The following MROH9 variants were observed in gnomAD, a reference collection of about 807,000 sequenced individuals.
MROH9 encodes maestro heat-like repeat-containing protein family member 9.
MROH9 carries 92 observed loss-of-function variants against 98.2 expected under a neutral mutation model. That is an observed-to-expected ratio of 0.94 (90% CI 0.79 to 1.11). MROH9 has a LOEUF of 1.11. MROH9 is among the 50% of genes most tolerant of loss of function. The pLI, the probability that MROH9 is intolerant of heterozygous loss-of-function variation, is 0.00. For missense variants in MROH9, 1,057 were observed against 1,014.8 expected (o/e 1.04, Z -0.57); for synonymous variants, 397 against 368.9 (o/e 1.08, Z -0.87).
chr1:170,937,948 G>A (rs969314400), intron 1 of MROH9, among the ~76,000 whole-genome samples: 2 of 152,182 alleles, frequency 1.3e-5, no homozygotes, highest in African/African-American at 4.8e-5. Flanking sequence ...TGGGTCACTA[G>A]TAGTCCTACC....
intron 20 of MROH9, among the ~76,000 whole-genome samples, chr1:171,032,699 G>A (rs548998201): frequency 6.6e-6 from 1 of 152,140 alleles, no homozygotes; most frequent in East Asian, 1.9e-4. Context: ...ATGCTAGTAG[G>A]ATCGCTCTTG....
chr1:171,027,286 T>G (rs28488998), intron 20 of MROH9, among the ~76,000 whole-genome samples: 1 of 152,018 alleles, frequency 6.6e-6, no homozygotes, highest in Non-Finnish European at 1.5e-5. Flanking sequence ...CTCCCACTTA[T>G]GAGTGAGAAC....
At chr1:171,055,630 A>C (rs889989227) in intron 20 of MROH9, among the ~76,000 whole-genome samples, 9 of 151,608 alleles carry the variant, frequency 5.9e-5, no homozygotes, top group Non-Finnish European at 8.8e-5. Context: ...AAAAAAAAAA[A>C]AAAAAAAAAA....
intron 11 of MROH9, among the ~76,000 whole-genome samples, chr1:170,991,833 G>T (rs1456052484): frequency 6.6e-6 from 1 of 152,026 alleles, no homozygotes; most frequent in Non-Finnish European, 1.5e-5. Context: ...AAGTCACAAG[G>T]CCAGAGGAAC....
Position 170,971,741 on chromosome 1 carries a change from C to A in MROH9, c.481-7C>A, listed in dbSNP as rs1650463893. 1 of 1,613,672 alleles carries A rather than the reference C, an allele frequency of 6.2e-7. No individual in the cohort carries two copies. The highest frequency in any genetic ancestry group is 1.1e-5 in the South Asian group (1 of 91,046). On this transcript the variant is annotated splice_polypyrimidine_tract_variant and splice_region_variant and intron_variant, in intron 7 of 21. Coordinates refer to ENST00000367759, the MANE Select transcript of MROH9 (RefSeq NM_001163629.2). ...CAAATGCATGTTCTCCTTTGTTTCT[C>A]CATTAGATAAGTGTTGATGCTCCAT...
chr1:171,002,611 C>T (rs904259217), intron 15 of MROH9, among the ~76,000 whole-genome samples: 5 of 152,076 alleles, frequency 3.3e-5, no homozygotes, highest in African/African-American at 4.8e-5. Context: ...GGGTTTATGC[C>T]GAGAAGTCTT....
intron 20 of MROH9, among the ~76,000 whole-genome samples, chr1:171,055,331 T>C (rs1653801085): frequency 6.6e-6 from 1 of 152,006 alleles, no homozygotes. Flanking sequence ...GGCATAAGAA[T>C]GATACAATGG....
intron 12 of MROH9, among the ~76,000 whole-genome samples, chr1:170,994,353 T>C (rs959958881): frequency 7.2e-5 from 11 of 152,226 alleles, no homozygotes; most frequent in Non-Finnish European, 1.0e-4. Context: ...CCTAAGTGTT[T>C]TATGTTTGGA....
chr1:171,039,965 G>GA (rs1653243121), intron 20 of MROH9, among the ~76,000 whole-genome samples: 1 of 151,764 alleles, frequency 6.6e-6, no homozygotes, highest in African/African-American at 2.4e-5. Context: ...CTAAAGCAAA[G>GA]AAAAAATATA....
intron 15 of MROH9, among the ~76,000 whole-genome samples, chr1:171,002,220 G>A (rs1440728000): frequency 6.6e-6 from 1 of 152,166 alleles, no homozygotes; most frequent in Non-Finnish European, 1.5e-5. Context: ...TTTAAGTGGA[G>A]TGTTTAGACC....
intron 6 of MROH9, among the ~76,000 whole-genome samples, chr1:170,963,836 G>T (rs917884896): frequency 6.6e-6 from 1 of 152,120 alleles, no homozygotes; most frequent in Non-Finnish European, 1.5e-5. Flanking sequence ...CTGACAAAGG[G>T]TGGAGGTTGG....
chr1:171,023,022 T>C (rs983348108), intron 17 of MROH9, among the ~76,000 whole-genome samples: 1 of 152,168 alleles, frequency 6.6e-6, no homozygotes, highest in Non-Finnish European at 1.5e-5. Context: ...GGTGATATTA[T>C]ATTTTTAAAA....
intron 20 of MROH9, 30 bp downstream of exon 20, chr1:171,025,450 C>CT: frequency 7.2e-7 from 1 of 1,382,968 alleles, no homozygotes; most frequent in South Asian, 1.2e-5. Context: ...CAATTCCTAA[C>CT]TTGTCTTAAA....
chr1:170,992,072 A>C, intron 11 of MROH9, 92 bp from the exon 12 acceptor site: 1 of 1,353,178 alleles, frequency 7.4e-7, no homozygotes, highest in Non-Finnish European at 9.7e-7. Flanking sequence ...TAAAAATGTA[A>C]AACCAAGACT....
In MROH9 at chr1:170,995,479, T is replaced by G. The variant is rs1397577702; in HGVS notation, c.1285T>G (p.Phe429Val). ...YFPQLLTTLM[F>V]QVFYNSELKP... ...CCCCCAGCTCTTGACGACTCTTATG[T>G]TCCAAGTCTTCTACAACAGTGAGCT... The change falls in exon 13 of 22, where the codon TTC becomes GTC. Residue 429 changes from phenylalanine (F) to valine (V), a missense_variant. Physicochemically the swap from Phe to Val is conservative, Grantham distance 50. Transcript: ENST00000367759. 6.2e-7 allele frequency: 1 copy of G among 1,613,248 alleles called. No homozygotes were observed. The highest frequency in any genetic ancestry group is 2.2e-5 in the East Asian group (1 of 44,876).
chr1:171,005,630 T>C (rs1651929087), intron 15 of MROH9, among the ~76,000 whole-genome samples: 1 of 152,224 alleles, frequency 6.6e-6, no homozygotes, highest in Non-Finnish European at 1.5e-5. Context: ...TTTTGTATTC[T>C]GCAGCTTTAC....
intron 17 of MROH9, among the ~76,000 whole-genome samples, chr1:171,016,803 AT>A (rs1652342245): frequency 1.3e-5 from 2 of 152,222 alleles, no homozygotes; most frequent in South Asian, 4.1e-4. Flanking sequence ...TGTTATTATC[AT>A]ATAAAACTTG....
chr1:170,960,440 T>C (rs370564541), intron 5 of MROH9, among the ~76,000 whole-genome samples: 15 of 152,204 alleles, frequency 9.9e-5, no homozygotes, highest in African/African-American at 3.1e-4. Context: ...TGTTGTTATA[T>C]AGCATTTCAT....
intron 3 of MROH9, among the ~76,000 whole-genome samples, chr1:170,950,587 G>A (rs1444958295): frequency 6.6e-6 from 1 of 152,144 alleles, no homozygotes; most frequent in African/African-American, 2.4e-5. Context: ...AGATTCTGGG[G>A]ATGGAAATTA....
Sources: allele counts gnomAD v4.1 joint callset (sites outside exome capture counted in the v4.1 genomes callset), GRCh38; gene constraint gnomAD v4.1.1; transcripts MANE v1.5; gene names NCBI Gene and HGNC (gene_info 2026-07-23, HGNC 2026-07-21).